The following SLCO1B1 variants were observed in gnomAD, a reference collection of about 807,000 sequenced individuals.
SLCO1B1 encodes the protein solute carrier organic anion transporter family member 1B1.
Under a neutral mutation model 70.1 loss-of-function variants are expected in SLCO1B1, and 81 were observed. The ratio of observed to expected loss-of-function variants is 1.16; its 90% confidence interval spans 0.97 to 1.39. The LOEUF is 1.39. SLCO1B1 is among the 40% of genes most tolerant of loss of function. SLCO1B1 has a pLI of 0.00. For missense variants in SLCO1B1, 895 were observed against 799.6 expected, an observed-to-expected ratio of 1.12 and a Z score of -1.44; for synonymous variants, 283 against 271.5, an observed-to-expected ratio of 1.04 and a Z score of -0.42.
chr12:21,194,227 G>T, intron 7 of SLCO1B1, among the ~76,000 whole-genome samples: 1 of 150,924 alleles, frequency 6.6e-6, no homozygotes, highest in Admixed American at 6.6e-5. Flanking sequence ...ATGTTGGTCA[G>T]GCTGGTCTCA....
chr12:21,137,979 C>T (rs551896284), intron 1 of SLCO1B1, among the ~76,000 whole-genome samples: 1 of 152,284 alleles, frequency 6.6e-6, no homozygotes, highest in Admixed American at 6.5e-5. Flanking sequence ...CATCTTGGCT[C>T]CTCCCCTCAG....
chr12:21,148,430 TA>T (rs1404924335), intron 2 of SLCO1B1, among the ~76,000 whole-genome samples: 2 of 152,232 alleles, frequency 1.3e-5, no homozygotes, highest in African/African-American at 4.8e-5. Context: ...TGCATATGGC[TA>T]GCCAGTTTTC....
chr12:21,204,601 A>T (rs1941193335), intron 10 of SLCO1B1, among the ~76,000 whole-genome samples: 1 of 151,972 alleles, frequency 6.6e-6, no homozygotes, highest in Non-Finnish European at 1.5e-5. Flanking sequence ...GAAGTGCCAG[A>T]ATTAATATAA....
rs202074496 is a variant in SLCO1B1, at chr12:21,176,817, A to C, written c.401A>C (p.Asn134Thr). ...SKETNINSSE[N>T]STSTLSTCLI... ...GAAACTAATATCAATTCATCAGAAA[A>C]TTCAACATCGACCTTATCCACTTGT... The change falls in exon 5 of 15, where the codon AAT (asparagine) becomes ACT (threonine). Residue 134 changes from asparagine to threonine, a missense_variant. Physicochemically the swap from Asn to Thr is moderately conservative, Grantham distance 65. Coordinates refer to ENST00000256958, the MANE Select transcript of SLCO1B1 (RefSeq NM_006446.5). The C allele has an allele frequency of 1.3e-6, 2 of 1,542,722 alleles. No individual in the cohort carries two copies. The highest frequency in any genetic ancestry group is 1.8e-6 in the Non-Finnish European group (2 of 1,115,606).
Position 21,137,035 on chromosome 12 carries a change from GT to G in SLCO1B1, c.-61-4475del, listed in dbSNP as rs556528811. Among the ~76,000 whole-genome samples the G allele has an allele frequency of 7.0e-4, 107 of 152,254 alleles. No individual in the cohort carries two copies. In the South Asian group the frequency reaches 0.011, roughly 16 times the overall value. On this transcript the variant is annotated intron_variant, in intron 1 of 14. Transcript: ENST00000256958. ...GTGCGGATGTCCTTTCTGTTTGTTA[GT>G]TTTCCTTCTAACAGACAGGACCCTC...
chr12:21,138,502 A>T (rs752688801), intron 1 of SLCO1B1, among the ~76,000 whole-genome samples: 2 of 152,226 alleles, frequency 1.3e-5, no homozygotes, highest in African/African-American at 2.4e-5. Context: ...ATAAATTAAT[A>T]TTCCAACTTT....
chr12:21,157,119 T>G (rs1177258355), intron 2 of SLCO1B1, among the ~76,000 whole-genome samples: 1 of 152,134 alleles, frequency 6.6e-6, no homozygotes, highest in Non-Finnish European at 1.5e-5. Context: ...TACATTTCTG[T>G]GAATTGTGTA....
intron 2 of SLCO1B1, among the ~76,000 whole-genome samples, chr12:21,155,558 T>G (rs1032955285): frequency 1.3e-5 from 2 of 152,182 alleles, no homozygotes; most frequent in African/African-American, 4.8e-5. Context: ...CTCAAAGACA[T>G]CACTATTTTG....
chr12:21,200,614 C>T lies in SLCO1B1; in HGVS notation c.1077C>T (p.Val359=), dbSNP rs1941146195. 6.2e-7 allele frequency: 1 copy of T among 1,612,060 alleles called. No individual in the cohort carries two copies. The highest frequency in any genetic ancestry group is 1.3e-5 in the African/African-American group (1 of 74,950). The part of the protein sequence containing the change: ...VSSYIGAFTY[V]FKYVEQQYGQ... ...GCTATATTGGTGCTTTTACTTATGT[C>T]TTCAAATACGTAGAGCAACAGTATG... Residue 359 remains valine (V), a synonymous_variant, in exon 9 of 15, where the codon GTC becomes GTT. Transcript: ENST00000256958.
intron 4 of SLCO1B1, 23 bp downstream of exon 4, chr12:21,174,732 A>C (rs1008885853): frequency 6.2e-7 from 1 of 1,601,506 alleles, no homozygotes; most frequent in Non-Finnish European, 8.5e-7. Context: ...AAAAAAAAAA[A>C]CCTCTGTGCC....
At chr12:21,139,855 G>A (rs1456159289) in intron 1 of SLCO1B1, among the ~76,000 whole-genome samples, 2 of 152,002 alleles carry the variant, frequency 1.3e-5, no homozygotes, top group African/African-American at 4.8e-5. Flanking sequence ...GCATTTTTGT[G>A]TTTTGTGTTT....
chr12:21,136,445 C>G (rs189925816), intron 1 of SLCO1B1, among the ~76,000 whole-genome samples: 97 of 152,268 alleles, frequency 6.4e-4, no homozygotes, highest in African/African-American at 2.3e-3. Context: ...TGGTTCCCTT[C>G]TCCCCATCAC....
intron 4 of SLCO1B1, 81 bp from the exon 5 acceptor site, chr12:21,176,695 G>C (rs190580693): frequency 9.1e-7 from 1 of 1,099,928 alleles, no homozygotes; most frequent in Non-Finnish European, 1.4e-6. Context: ...CAAATAAAGG[G>C]GAATATTTCT....
intron 10 of SLCO1B1, among the ~76,000 whole-genome samples, 153 bp from the exon 11 acceptor site, chr12:21,205,715 C>T (rs1198557924): frequency 6.6e-6 from 1 of 151,486 alleles, no homozygotes; most frequent in East Asian, 1.9e-4. Flanking sequence ...ATTTCGTCAT[C>T]ATCAAAGCAA....
intron 7 of SLCO1B1, among the ~76,000 whole-genome samples, chr12:21,194,013 G>A (rs113945383): frequency 3.3e-5 from 5 of 152,052 alleles, no homozygotes; most frequent in African/African-American, 4.8e-5. Flanking sequence ...GGTTGGTCTC[G>A]ATCTCCTGAC....
intron 2 of SLCO1B1, among the ~76,000 whole-genome samples, chr12:21,149,519 G>A (rs375116050): frequency 1.4e-4 from 22 of 152,276 alleles, no homozygotes; most frequent in African/African-American, 5.3e-4. Context: ...ATCTCTTTGA[G>A]ACTGGTTAGA....
intron 14 of SLCO1B1, among the ~76,000 whole-genome samples, chr12:21,232,545 T>G (rs904791943): frequency 6.7e-6 from 1 of 150,050 alleles, no homozygotes; most frequent in African/African-American, 2.5e-5. Flanking sequence ...ATCCTAAGCC[T>G]ACTTTCTACA....
At chr12:21,169,933 T>C (rs1222488938) in intron 2 of SLCO1B1, among the ~76,000 whole-genome samples, 4 of 152,186 alleles carry the variant, frequency 2.6e-5, no homozygotes, top group African/African-American at 9.6e-5. Flanking sequence ...GCTTTTTTTC[T>C]AGTATGTTTT....
In SLCO1B1 at chr12:21,235,236, G is replaced by C. The variant is rs564016234; in HGVS notation, c.1866-3743G>C. Among the ~76,000 whole-genome samples, 17 of 151,732 alleles carry C rather than the reference G, an allele frequency of 1.1e-4. No individual in the cohort carries two copies. The East Asian group carries it at 3.1e-3, about 28-fold the overall frequency. On this transcript the variant is annotated intron_variant, in intron 14 of 14. Transcript: ENST00000256958. ...ATAAATATGATTGCTTCAGTATTGAGTGTGTATATATTTAGATTAGTTAAA... is the reference window on the plus strand; with the variant it reads ...ATAAATATGATTGCTTCAGTATTGACTGTGTATATATTTAGATTAGTTAAA...
Sources: allele counts gnomAD v4.1 joint callset (sites outside exome capture counted in the v4.1 genomes callset), GRCh38; gene constraint gnomAD v4.1.1; transcripts MANE v1.5; gene names NCBI Gene and HGNC (gene_info 2026-07-23, HGNC 2026-07-21).